XKR6: variants seen among roughly 807,000 people sequenced by gnomAD.
XKR6 encodes the protein XK related 6, also known as XK-related protein 6.
Under a neutral mutation model 56.7 loss-of-function variants are expected in XKR6, and 22 were observed. The ratio of observed to expected loss-of-function variants is 0.39; its 90% CI spans 0.28 to 0.55. The LOEUF is 0.55. XKR6 is among the 20% of genes least tolerant of loss of function. The pLI, the probability that XKR6 is intolerant of heterozygous loss-of-function variation, is 0.66. For synonymous variants in XKR6, 524 were observed against 387.8 expected, an observed-to-expected ratio of 1.35 and a Z score of -4.13; for missense variants, 852 against 889.0, an observed-to-expected ratio of 0.96 and a Z score of 0.53.
chr8:10,920,147 A>G (rs1469140131), intron 2 of XKR6, among the ~76,000 whole-genome samples: 2 of 152,204 alleles, frequency 1.3e-5, no homozygotes, highest in South Asian at 4.2e-4. Flanking sequence ...AGCATCTACT[A>G]GCCCTAATGG....
At position 10,946,678 on chromosome 8, in the gene XKR6, CAT is replaced by C. The variant is rs1183490117; in HGVS notation, c.765-21850_765-21849del. Among the ~76,000 whole-genome samples, 5 of 152,178 alleles carry C rather than the reference CAT, an allele frequency of 3.3e-5. No individual in the cohort carries two copies. In the East Asian group the frequency reaches 9.7e-4, roughly 29 times the overall value. ...CAGTCGTATTCAAGCACTCAGCAGA[CAT>C]AATTGAGCTCCTACTGCATGCCAGG... On this transcript the variant is annotated intron_variant, in intron 1 of 2. Coordinates refer to ENST00000416569, the MANE Select transcript of XKR6 (RefSeq NM_173683.4).
At chr8:10,937,991 TC>T (rs1801272843) in intron 1 of XKR6, among the ~76,000 whole-genome samples, 2 of 150,984 alleles carry the variant, frequency 1.3e-5, no homozygotes, top group Non-Finnish European at 3.0e-5. Context: ...CGGGCGCCCC[TC>T]CCCCAGCCTC....
rs1336142431 is a variant in XKR6, at chr8:10,897,951, C to G, written c.*1G>C. On this transcript the variant is annotated 3_prime_UTR_variant, in exon 3 of 3. Transcript: ENST00000416569. ...CCCTTCTCAACTTGGTCAAGATGCT[C>G]TTAGAGTGAAGACTCATACTGTAGC... 3 of 1,561,388 alleles carry G rather than the reference C, an allele frequency of 1.9e-6. No individual in the cohort carries two copies. Among genetic ancestry groups the G allele is most frequent in the South Asian group, 2.4e-5 (2 of 82,042 alleles).
intron 1 of XKR6, among the ~76,000 whole-genome samples, chr8:10,956,781 GA>G (rs1801903002): frequency 6.6e-6 from 1 of 152,196 alleles, no homozygotes; most frequent in African/African-American, 2.4e-5. Context: ...AGTGAGGACA[GA>G]AGGGGATTGA....
chr8:10,993,709 C>A (rs1218329064), intron 1 of XKR6, among the ~76,000 whole-genome samples: 1 of 152,200 alleles, frequency 6.6e-6, no homozygotes, highest in South Asian at 2.1e-4. Flanking sequence ...CAGCAACATG[C>A]CCCCAGCCCA....
At chr8:11,003,104 C>T (rs1037624701) in intron 1 of XKR6, among the ~76,000 whole-genome samples, 2 of 152,148 alleles carry the variant, frequency 1.3e-5, no homozygotes, top group African/African-American at 4.8e-5. Flanking sequence ...GTTCAGCCAA[C>T]CAGGTTAATT....
chr8:11,059,734 C>T (rs948722057), intron 1 of XKR6, among the ~76,000 whole-genome samples: 2 of 150,698 alleles, frequency 1.3e-5, no homozygotes, highest in Admixed American at 1.3e-4. Context: ...GGCCCGCGCC[C>T]CCCGGACCCC....
chr8:11,110,174 T>C (rs1316931585), intron 1 of XKR6, among the ~76,000 whole-genome samples: 1 of 152,164 alleles, frequency 6.6e-6, no homozygotes, highest in Non-Finnish European at 1.5e-5. Context: ...GGTTTTACCA[T>C]GTTGGCCAGG....
At chr8:11,054,496 T>C (rs886745236) in intron 1 of XKR6, among the ~76,000 whole-genome samples, 2 of 152,194 alleles carry the variant, frequency 1.3e-5, no homozygotes, top group African/African-American at 2.4e-5. Context: ...TGAGAGTGCA[T>C]GGGTGGGCAC....
intron 1 of XKR6, among the ~76,000 whole-genome samples, chr8:11,009,066 C>G (rs1004702402): frequency 3.4e-5 from 5 of 147,126 alleles, no homozygotes; most frequent in African/African-American, 1.2e-4. Context: ...TACACCTCTC[C>G]TGGGTAGTCA....
chr8:11,036,433 C>G (rs148747687), intron 1 of XKR6, among the ~76,000 whole-genome samples: 1 of 152,126 alleles, frequency 6.6e-6, no homozygotes, highest in Non-Finnish European at 1.5e-5. Flanking sequence ...GTTTCCAAAC[C>G]GTTGAATGTG....
At chr8:11,161,128 G>C (rs545026928) in intron 1 of XKR6, among the ~76,000 whole-genome samples, 68 of 152,186 alleles carry the variant, frequency 4.5e-4, no homozygotes, top group Non-Finnish European at 8.4e-4. Flanking sequence ...CTGCCAACAG[G>C]AACTGATCTA....
At chr8:11,116,980 T>G (rs1305020950) in intron 1 of XKR6, among the ~76,000 whole-genome samples, 2 of 152,312 alleles carry the variant, frequency 1.3e-5, no homozygotes, top group East Asian at 3.9e-4. Flanking sequence ...CTTTTACTAC[T>G]CATAAAACTC....
intron 1 of XKR6, among the ~76,000 whole-genome samples, chr8:10,967,565 C>A (rs1802262947): frequency 6.6e-6 from 1 of 152,192 alleles, no homozygotes; most frequent in South Asian, 2.1e-4. Context: ...GGGCAATGGA[C>A]TGACACCAGA....
intron 1 of XKR6, chr8:11,123,922 G>A: frequency 2.2e-6 from 1 of 456,018 alleles, no homozygotes; most frequent in Non-Finnish European, 4.4e-6. Flanking sequence ...GATGTTCTTG[G>A]CTTGCCACCT....
At position 11,153,235 on chromosome 8, in the gene XKR6, C is replaced by T. The variant is rs573595375; in HGVS notation, c.764+47341G>A. 2.0e-5 allele frequency among the ~76,000 whole-genome samples: 3 copies of T among 152,248 alleles called. No homozygotes were observed. In the South Asian group the frequency reaches 6.2e-4, roughly 32 times the overall value. The stretch of plus-strand genomic sequence containing the variant: ...AATGGTTCCTTCAGATAACTACTCC[C>T]AATTGACCCAAATAAACCAATTTAC... On this transcript the variant is annotated intron_variant, in intron 1 of 2. Transcript: ENST00000416569.
chr8:10,906,565 T>C (rs1475346002), intron 2 of XKR6, among the ~76,000 whole-genome samples: 5 of 152,244 alleles, frequency 3.3e-5, no homozygotes, highest in African/African-American at 9.6e-5. Context: ...GGTTTTGCCA[T>C]TGTAATGGCA....
chr8:11,094,083 C>CTT (rs35652292), intron 1 of XKR6, among the ~76,000 whole-genome samples: 9,099 of 137,786 alleles, frequency 0.066, 561 homozygotes, highest in African/African-American at 0.15. Context: ...CGCGCCCGGC[C>CTT]TTTTTTTTTT....
At chr8:10,987,100 T>G (rs1797880564) in intron 1 of XKR6, among the ~76,000 whole-genome samples, 1 of 152,202 alleles carries the variant, frequency 6.6e-6, no homozygotes, top group Non-Finnish European at 1.5e-5. Context: ...CTTAGCCAAG[T>G]GCATGATATG....
Sources: gnomAD v4.1 joint callset for allele counts (sites outside exome capture counted in the v4.1 genomes callset) on GRCh38, gnomAD v4.1.1 for gene constraint, MANE v1.5 for transcripts, NCBI Gene and HGNC (gene_info 2026-07-23, HGNC 2026-07-21) for gene names.